The following UBE4B variants were observed in gnomAD, a reference collection of about 807,000 sequenced individuals.
UBE4B encodes the protein ubiquitination factor E4B.
In UBE4B, 27 loss-of-function variants were observed where a neutral mutation model predicts 148.1. That is an observed-to-expected ratio of 0.18 (90% confidence interval 0.13 to 0.25). The LOEUF is 0.25. UBE4B is among the 10% of genes least tolerant of loss of function. UBE4B has a pLI of 1.00. For missense variants in UBE4B, 1,170 were observed against 1,662.4 expected (o/e 0.70, Z 5.15); for synonymous variants, 596 against 619.3 (o/e 0.96, Z 0.56).
intron 2 of UBE4B, chr1:10,072,578 A>G (rs1308706363): frequency 1.3e-5 from 9 of 692,094 alleles, no homozygotes; most frequent in Non-Finnish European, 2.4e-5. Context: ...AATGGTCAAA[A>G]TGAACACCTC....
chr1:10,071,987 G>A, intron 1 of UBE4B, 41 bp from the exon 2 acceptor site: 2 of 1,511,224 alleles, frequency 1.3e-6, no homozygotes, highest in East Asian at 2.5e-5. Flanking sequence ...TTGTGTTTCT[G>A]CTGATTAGTT....
At chr1:10,068,826 C>T (rs987874485) in intron 1 of UBE4B, among the ~76,000 whole-genome samples, 2 of 152,198 alleles carry the variant, frequency 1.3e-5, no homozygotes, top group African/African-American at 4.8e-5. Context: ...GGCATTCAGA[C>T]CACCCAAGGG....
intron 1 of UBE4B, among the ~76,000 whole-genome samples, chr1:10,049,814 C>T (rs1002242499): frequency 4.0e-5 from 6 of 150,564 alleles, no homozygotes; most frequent in South Asian, 2.1e-4. Context: ...CACTTGAGCC[C>T]GGCAGGTCCA....
intron 1 of UBE4B, among the ~76,000 whole-genome samples, chr1:10,061,036 G>A (rs1401017886): frequency 6.6e-6 from 1 of 151,876 alleles, no homozygotes; most frequent in East Asian, 1.9e-4. Flanking sequence ...GTAAGCCACC[G>A]CAAGAGTTTG....
Position 10,168,652 on chromosome 1 carries a change from G to A in UBE4B, c.3333+382G>A, listed in dbSNP as rs1389516774. On this transcript the variant is annotated intron_variant, in intron 24 of 27. Transcript: ENST00000343090. This position sits in a 1 kb window ranked among gnomAD's most constrained non-coding sequence, Gnocchi z 4.9. ...TCACGCCTGTAATCCCAGCACTTTG[G>A]GAGCCCAAGGCGGGCAGATCACGAG... Among the ~76,000 whole-genome samples the A allele has an allele frequency of 1.3e-5, 2 of 152,096 alleles. No individual in the cohort carries two copies. Among genetic ancestry groups the A allele is most frequent in the Non-Finnish European group, 2.9e-5 (2 of 68,010 alleles).
intron 1 of UBE4B, among the ~76,000 whole-genome samples, chr1:10,036,640 A>G (rs1466768484): frequency 6.6e-6 from 1 of 151,898 alleles, no homozygotes; most frequent in African/African-American, 2.4e-5. Context: ...AATATCTTTG[A>G]AGTTTTTCTT....
In UBE4B at chr1:10,119,519, A is replaced by G. The variant is rs138638392; in HGVS notation, c.1345A>G (p.Ser449Gly). ...IEEKKAPKMC[S>G]QPAVSQLLSN... Reference sequence around the variant, plus strand: ...TTCCACCTTTCCTTTTCAGATGTGCAGCCAGCCAGCAGTCAGCCAGCTTCT... The same window carrying G: ...TTCCACCTTTCCTTTTCAGATGTGCGGCCAGCCAGCAGTCAGCCAGCTTCT... Residue 449 changes from serine (S) to glycine (G), a missense_variant, in exon 9 of 28, where the codon AGC becomes GGC. Ser to Gly is a moderately conservative substitution (Grantham distance 56). This residue lies in a region of UBE4B where 388 missense variants were observed against 536.0 expected (regional missense o/e 0.72). Transcript: ENST00000343090. The G allele has an allele frequency of 1.2e-6, 2 of 1,613,478 alleles. No individual in the cohort carries two copies. The highest frequency in any genetic ancestry group is 2.7e-5 in the African/African-American group (2 of 74,912).
intron 1 of UBE4B, among the ~76,000 whole-genome samples, chr1:10,048,448 C>T (rs1382897360): frequency 6.6e-6 from 1 of 151,926 alleles, no homozygotes; most frequent in Admixed American, 6.6e-5. Context: ...ACAGATTTTA[C>T]CTAGAGAGTG....
intron 2 of UBE4B, chr1:10,072,432 C>A: frequency 1.5e-6 from 1 of 665,606 alleles, no homozygotes; most frequent in Non-Finnish European, 2.6e-6. Context: ...CCATAACTTC[C>A]ATCTTTTTTT....
intron 4 of UBE4B, among the ~76,000 whole-genome samples, chr1:10,102,103 T>C (rs1645021958): frequency 6.6e-6 from 1 of 152,004 alleles, no homozygotes; most frequent in African/African-American, 2.4e-5. Flanking sequence ...TAAACAAAAA[T>C]AAAGACAAAC....
rs917921765 is a variant in UBE4B at position 10,119,592 on chromosome 1, A to G, written c.1418A>G (p.Gln473Arg). The G allele has an allele frequency of 5.0e-6, 8 of 1,613,196 alleles. No individual in the cohort carries two copies. Among genetic ancestry groups the G allele is most frequent in the Non-Finnish European group, 6.8e-6 (8 of 1,179,374 alleles). Reference protein sequence around the residue: ...QCISHTALVLQGSLTQPRSLQ... With the variant: ...QCISHTALVLRGSLTQPRSLQ... The stretch of plus-strand genomic sequence containing the variant: ...ATATCCCATACTGCTTTAGTACTAC[A>G]AGGCTCCCTAACACAGCCCAGGTAT... The change falls in exon 9 of 28, where the codon CAA (glutamine) becomes CGA (arginine). Residue 473 changes from glutamine to arginine, a missense_variant. This residue lies in a region of UBE4B where 388 missense variants were observed against 536.0 expected (regional missense o/e 0.72). Coordinates refer to ENST00000343090, the MANE Select transcript of UBE4B (RefSeq NM_001105562.3).
At chr1:10,079,067 C>A (rs1181033164) in intron 2 of UBE4B, among the ~76,000 whole-genome samples, 1 of 152,152 alleles carries the variant, frequency 6.6e-6, no homozygotes, top group East Asian at 1.9e-4. Flanking sequence ...GATCTTCCTG[C>A]CTCAATCTCT....
intron 19 of UBE4B, 150 bp downstream of exon 19, chr1:10,147,240 C>T: frequency 7.6e-7 from 1 of 1,311,382 alleles, no homozygotes; most frequent in Non-Finnish European, 1.0e-6. Flanking sequence ...CCTGTAATCC[C>T]AGCACTTTGG....
In UBE4B at chr1:10,179,974, C is replaced by G. The variant is rs747853558; in HGVS notation, c.*18C>G. 6.2e-7 allele frequency: 1 copy of G among 1,614,040 alleles called. No homozygotes were observed. Among genetic ancestry groups the G allele is most frequent in the Non-Finnish European group, 8.5e-7 (1 of 1,180,004 alleles). On this transcript the variant is annotated 3_prime_UTR_variant, in exon 28 of 28. Transcript: ENST00000343090. ...ATCACTAAACCGTTCCGCCGCCCACCCTCTGCTAGACACAGCCAAGGCCAA... is the reference window on the plus strand; with the variant it reads ...ATCACTAAACCGTTCCGCCGCCCACGCTCTGCTAGACACAGCCAAGGCCAA...
chr1:10,097,052 A>AAAAAAAAAAAAT (rs554089049), intron 3 of UBE4B, among the ~76,000 whole-genome samples: 2 of 138,516 alleles, frequency 1.4e-5, no homozygotes, highest in African/African-American at 2.6e-5. Flanking sequence ...AAAAAAAAAA[A>AAAAAAAAAAAAT]AATAATAATA....
chr1:10,069,256 ATAAAT>A (rs1166170187), intron 1 of UBE4B, among the ~76,000 whole-genome samples: 4 of 152,238 alleles, frequency 2.6e-5, no homozygotes, highest in African/African-American at 9.6e-5. Context: ...ACGTCAACTA[ATAAAT>A]TAGTCAATTT....
chr1:10,153,043 T>C (rs1036503675), intron 21 of UBE4B, among the ~76,000 whole-genome samples: 2 of 151,524 alleles, frequency 1.3e-5, no homozygotes, highest in Non-Finnish European at 1.5e-5. Flanking sequence ...AAGCTGAAAA[T>C]TGGAACCAAC....
intron 7 of UBE4B, among the ~76,000 whole-genome samples, chr1:10,109,117 T>C (rs1645171300): frequency 6.6e-6 from 1 of 152,112 alleles, no homozygotes; most frequent in African/African-American, 2.4e-5. Flanking sequence ...TCATGGAGCA[T>C]TGTGCGCCAG....
chr1:10,091,878 T>C (rs1644853910), intron 2 of UBE4B, among the ~76,000 whole-genome samples: 1 of 152,120 alleles, frequency 6.6e-6, no homozygotes, highest in African/African-American at 2.4e-5. Context: ...AGTGCTGAGA[T>C]TACAGGTGTG....
Sources: gnomAD v4.1 joint callset for allele counts (sites outside exome capture counted in the v4.1 genomes callset) on GRCh38, gnomAD v4.1.1 for gene constraint, gnomAD v4.1.1 regional missense constraint, Gnocchi (gnomAD v3.1) non-coding constraint, MANE v1.5 for transcripts, NCBI Gene and HGNC (gene_info 2026-07-23, HGNC 2026-07-21) for gene names.